The following CHST9 variants were observed in gnomAD, a reference collection of about 807,000 sequenced individuals.
CHST9 encodes carbohydrate sulfotransferase 9.
CHST9 carries 41 observed loss-of-function variants against 44.4 expected under a neutral mutation model. The ratio of observed to expected loss-of-function variants is 0.92; its 90% CI spans 0.72 to 1.20. The LOEUF is 1.20. CHST9 is among the 50% of genes most tolerant of loss of function. CHST9 has a pLI of 0.00. For synonymous variants in CHST9, 171 were observed against 178.4 expected (o/e 0.96, Z 0.33); for missense variants, 504 against 516.5 (o/e 0.98, Z 0.23).
chr18:27,059,295 C>T lies in CHST9; in HGVS notation c.122-10792G>A, dbSNP rs556324800. 1.2e-4 allele frequency among the ~76,000 whole-genome samples: 18 copies of T among 152,210 alleles called. No homozygotes were observed. The South Asian group carries it at 2.5e-3, about 21-fold the overall frequency. On this transcript the variant is annotated intron_variant, in intron 2 of 5. Coordinates refer to ENST00000618847, the MANE Select transcript of CHST9 (RefSeq NM_031422.6). ...GACATTAAAATATGTATCTAGGCTTCGAAAACTTTACCATATATTGTTAGA... is the reference window on the plus strand; with the variant it reads ...GACATTAAAATATGTATCTAGGCTTTGAAAACTTTACCATATATTGTTAGA...
At chr18:27,085,191 AT>A (rs1383348229) in intron 2 of CHST9, among the ~76,000 whole-genome samples, 1 of 152,084 alleles carries the variant, frequency 6.6e-6, no homozygotes, top group Non-Finnish European at 1.5e-5. Flanking sequence ...AGGAAATACC[AT>A]TTTGGACATA....
chr18:27,077,858 G>A (rs958019471), intron 2 of CHST9, among the ~76,000 whole-genome samples: 21 of 152,230 alleles, frequency 1.4e-4, no homozygotes, highest in African/African-American at 4.8e-4. Context: ...TAATTGGCTC[G>A]CAGCCTGTGG....
chr18:27,040,942 T>A (rs905280291), intron 3 of CHST9, among the ~76,000 whole-genome samples: 3 of 152,164 alleles, frequency 2.0e-5, no homozygotes, highest in Admixed American at 6.5e-5. Context: ...GCATTTGTAA[T>A]CCTTTGTTTA....
intron 4 of CHST9, among the ~76,000 whole-genome samples, chr18:26,975,669 AAATATATGTATATATGTGTGTG>A (rs1568117228): frequency 2.1e-5 from 3 of 141,320 alleles, no homozygotes; most frequent in African/African-American, 7.7e-5. Flanking sequence ...ATATATATAT[AAATATATGTATATATGTGTGTG>A]TATATATATG....
intron 3 of CHST9, among the ~76,000 whole-genome samples, chr18:27,027,922 C>CA (rs1248415563): frequency 6.6e-6 from 1 of 152,058 alleles, no homozygotes; most frequent in Non-Finnish European, 1.5e-5. Flanking sequence ...TTTTTTGAGA[C>CA]AGAGTCTTGC....
intron 4 of CHST9, among the ~76,000 whole-genome samples, chr18:26,977,492 A>G (rs2056638060): frequency 6.6e-6 from 1 of 152,146 alleles, no homozygotes; most frequent in African/African-American, 2.4e-5. Flanking sequence ...TCATACATGT[A>G]GAAAGCCAAG....
intron 1 of CHST9, among the ~76,000 whole-genome samples, chr18:27,179,044 A>G (rs2058890030): frequency 6.7e-6 from 1 of 148,556 alleles, no homozygotes. Context: ...GCACATATAT[A>G]CATATACGTA....
intron 4 of CHST9, among the ~76,000 whole-genome samples, chr18:26,969,578 A>G (rs2056515091): frequency 6.6e-6 from 1 of 152,182 alleles, no homozygotes; most frequent in Non-Finnish European, 1.5e-5. Context: ...CACAGCAATG[A>G]ATAAGGAAGA....
chr18:27,135,010 TA>T (rs1297922542), intron 2 of CHST9, among the ~76,000 whole-genome samples: 1 of 152,196 alleles, frequency 6.6e-6, no homozygotes. Flanking sequence ...TTATACTGTA[TA>T]TTTTCAAATT....
At chr18:27,117,624 T>C (rs1453015108) in intron 2 of CHST9, among the ~76,000 whole-genome samples, 1 of 152,196 alleles carries the variant, frequency 6.6e-6, no homozygotes, top group Non-Finnish European at 1.5e-5. Context: ...CAGAATGTCA[T>C]ATTGTTGGAA....
At chr18:27,181,946 C>T (rs377164898) in intron 1 of CHST9, among the ~76,000 whole-genome samples, 3 of 152,118 alleles carry the variant, frequency 2.0e-5, no homozygotes, top group African/African-American at 4.8e-5. Context: ...AATGGGTTTT[C>T]GTGTTTGAGG....
chr18:27,157,450 C>T lies in CHST9; in HGVS notation c.-96-14545G>A, dbSNP rs997536282. Among the ~76,000 whole-genome samples, 11 of 152,238 alleles carry T rather than the reference C, an allele frequency of 7.2e-5. No individual in the cohort carries two copies. In the East Asian group the frequency reaches 2.1e-3, roughly 29 times the overall value. On this transcript the variant is annotated intron_variant, in intron 1 of 5. Transcript: ENST00000618847. Reference sequence around the variant, plus strand: ...TATTTATTAAGTTCTACTATATGCTCCCTGTCTTATCTCTCGTTTCACATT... The same window carrying T: ...TATTTATTAAGTTCTACTATATGCTTCCTGTCTTATCTCTCGTTTCACATT...
intron 4 of CHST9, among the ~76,000 whole-genome samples, chr18:26,981,948 A>G (rs1468671302): frequency 3.9e-5 from 6 of 152,118 alleles, no homozygotes; most frequent in African/African-American, 1.4e-4. Flanking sequence ...TCTGTATTCC[A>G]GTCTCCCATC....
At chr18:26,923,296 C>T (rs1195165144) in intron 5 of CHST9, among the ~76,000 whole-genome samples, 1 of 152,148 alleles carries the variant, frequency 6.6e-6, no homozygotes, top group African/African-American at 2.4e-5. Flanking sequence ...GTGTTAAGTC[C>T]TCTGTTTATT....
intron 2 of CHST9, among the ~76,000 whole-genome samples, chr18:27,050,816 T>A (rs539884538): frequency 6.6e-6 from 1 of 152,338 alleles, no homozygotes; most frequent in East Asian, 1.9e-4. Flanking sequence ...ACTAGAGGCC[T>A]CGGACATTTT....
chr18:26,932,864 T>C (rs919220113), intron 5 of CHST9: 8 of 153,756 alleles, frequency 5.2e-5, no homozygotes, highest in African/African-American at 1.9e-4. Context: ...TTCAAAACGA[T>C]GGAAGCAAAG....
At chr18:27,032,982 C>T (rs1434689719) in intron 3 of CHST9, among the ~76,000 whole-genome samples, 1 of 152,178 alleles carries the variant, frequency 6.6e-6, no homozygotes, top group Non-Finnish European at 1.5e-5. Context: ...TTGAAAATAG[C>T]TCCATAAACA....
intron 5 of CHST9, among the ~76,000 whole-genome samples, chr18:26,932,074 C>A (rs1231255907): frequency 6.6e-6 from 1 of 152,140 alleles, no homozygotes; most frequent in African/African-American, 2.4e-5. Flanking sequence ...CCGGAGTCAA[C>A]TCTAGTTAGA....
intron 2 of CHST9, among the ~76,000 whole-genome samples, chr18:27,102,434 T>TA (rs1469078211): frequency 6.6e-6 from 1 of 152,182 alleles, no homozygotes; most frequent in Non-Finnish European, 1.5e-5. Flanking sequence ...TACTTTGGTC[T>TA]AGTGGCGCAA....
Sources: allele counts gnomAD v4.1 joint callset (sites outside exome capture counted in the v4.1 genomes callset), GRCh38; gene constraint gnomAD v4.1.1; transcripts MANE v1.5; gene names NCBI Gene and HGNC (gene_info 2026-07-23, HGNC 2026-07-21).